RAPH1: variants seen among roughly 807,000 people sequenced by gnomAD.
RAPH1 encodes the protein Ras association (RalGDS/AF-6) and pleckstrin homology domains 1.
In RAPH1, 18 loss-of-function variants were observed where a neutral mutation model predicts 88.1. The ratio of observed to expected loss-of-function variants is 0.20; its 90% CI spans 0.14 to 0.30. The LOEUF (loss-of-function observed/expected upper bound fraction) is 0.30, where lower values mean the gene tolerates loss of function less well. Among genes scored for constraint, RAPH1 ranks in the 10% least tolerant of loss-of-function variants. The pLI is 1.00. For synonymous variants in RAPH1, 587 were observed against 559.0 expected (o/e 1.05, Z -0.71); for missense variants, 1,448 against 1,543.2 (o/e 0.94, Z 1.03).
intron 1 of RAPH1, among the ~76,000 whole-genome samples, chr2:203,531,723 A>G (rs1690398043): frequency 6.6e-6 from 1 of 152,242 alleles, no homozygotes; most frequent in Admixed American, 6.5e-5. Flanking sequence ...AAACATAAAA[A>G]GAAAAAACAC....
chr2:203,456,220 A>C (rs1445582003), intron 8 of RAPH1, among the ~76,000 whole-genome samples: 2 of 152,212 alleles, frequency 1.3e-5, no homozygotes, highest in Non-Finnish European at 2.9e-5. Flanking sequence ...ACTGAGTTGC[A>C]TGTAACAGTA....
intron 12 of RAPH1, chr2:203,445,494 G>A (rs551092690): frequency 6.5e-6 from 1 of 153,722 alleles, no homozygotes; most frequent in Non-Finnish European, 1.4e-5. Flanking sequence ...CTTAGAATTT[G>A]ACCCTCTAGT....
chr2:203,527,800 C>CAAA (rs59384499), intron 1 of RAPH1, among the ~76,000 whole-genome samples: 6 of 51,204 alleles, frequency 1.2e-4, no homozygotes, highest in East Asian at 1.2e-3. Context: ...AACTCCATCT[C>CAAA]AAAAAAAAAA....
At position 203,441,403 on chromosome 2, in the gene RAPH1, T is replaced by C. The variant is rs776413554; in HGVS notation, c.1787A>G (p.Glu596Gly). The C allele has an allele frequency of 1.9e-6, 3 of 1,549,314 alleles. No homozygotes were observed. The highest frequency in any genetic ancestry group is 2.6e-6 in the Non-Finnish European group (3 of 1,151,880). The change falls in exon 14 of 14, where the codon GAG becomes GGG. Residue 596 changes from glutamate to glycine, a missense_variant. This residue lies in a region of RAPH1 where 935 missense variants were observed against 890.1 expected (regional missense o/e 1.05). Coordinates refer to ENST00000319170, the MANE Select transcript of RAPH1 (RefSeq NM_213589.3). ...QLEESSKARM[E>G]SMNRPYTSLV... ...TGAAGTGTAGGGCCGATTCATAGACTCCATTCTGGCCTAAAAGGAGTATAA... is the reference window on the plus strand; with the variant it reads ...TGAAGTGTAGGGCCGATTCATAGACCCCATTCTGGCCTAAAAGGAGTATAA...
intron 1 of RAPH1, among the ~76,000 whole-genome samples, chr2:203,534,195 G>A (rs936947994): frequency 6.6e-6 from 1 of 152,120 alleles, no homozygotes; most frequent in Non-Finnish European, 1.5e-5. Context: ...CCTGAGAAAT[G>A]CTGCAGACAA....
Position 203,439,407 on chromosome 2 carries a change from A to G in RAPH1, c.*30T>C. ...GTGAGCTGATTGTAGCAGTGATTAC[A>G]GATATCATGAAAATAAAGTCCTATG... On this transcript the variant is annotated 3_prime_UTR_variant, in exon 14 of 14. Transcript: ENST00000319170. The G allele has an allele frequency of 6.3e-7, 1 of 1,597,250 alleles. No homozygotes were observed. The highest frequency in any genetic ancestry group is 2.2e-5 in the East Asian group (1 of 44,634).
At chr2:203,458,086 T>A (rs2098521245) in intron 7 of RAPH1, among the ~76,000 whole-genome samples, 1 of 152,144 alleles carries the variant, frequency 6.6e-6, no homozygotes, top group Admixed American at 6.5e-5. Flanking sequence ...AAAATCTGAA[T>A]TCTGGCTGGG....
intron 1 of RAPH1, among the ~76,000 whole-genome samples, chr2:203,531,154 T>A (rs1428905269): frequency 1.3e-5 from 2 of 152,182 alleles, no homozygotes; most frequent in Admixed American, 6.5e-5. Context: ...AAAACCTTCA[T>A]GACATTGGAT....
intron 4 of RAPH1, among the ~76,000 whole-genome samples, chr2:203,471,584 C>A (rs1469769869): frequency 6.6e-6 from 1 of 151,938 alleles, no homozygotes; most frequent in East Asian, 1.9e-4. Flanking sequence ...TGCACTCTAG[C>A]CTGGGCGACA....
At chr2:203,489,501 A>G (rs918955881) in intron 4 of RAPH1, 83 bp downstream of exon 4, 2 of 1,026,860 alleles carry the variant, frequency 1.9e-6, no homozygotes, top group African/African-American at 1.6e-5. Context: ...AGAAGAATTT[A>G]AGAAGTTAAT....
rs144172076 is a variant in RAPH1, at chr2:203,489,731, T to C, written c.585A>G (p.Thr195=). 1.7e-5 allele frequency: 27 copies of C among 1,614,206 alleles called. No homozygotes were observed. The highest frequency in any genetic ancestry group is 1.9e-5 in the Non-Finnish European group (23 of 1,180,034). ...TAGAGTGTACTTCAGCATCACTCACTGTGCCTGCTGACGCGGTTCTTCTGT... is the reference window on the plus strand; with the variant it reads ...TAGAGTGTACTTCAGCATCACTCACCGTGCCTGCTGACGCGGTTCTTCTGT... The part of the protein sequence containing the change: ...NQHRRTASAG[T]VSDAEVHSIS... The change falls in exon 4 of 14, where the codon ACA becomes ACG. Residue 195 remains threonine (T), a synonymous_variant. Coordinates refer to ENST00000319170, the MANE Select transcript of RAPH1 (RefSeq NM_213589.3).
Position 203,489,616 on chromosome 2 carries a change from C to A in RAPH1, c.700G>T (p.Asp234Tyr), listed in dbSNP as rs758518163. The A allele has an allele frequency of 1.2e-6, 2 of 1,601,248 alleles. No individual in the cohort carries two copies. Among genetic ancestry groups the A allele is most frequent in the South Asian group, 1.1e-5 (1 of 88,648 alleles). The part of the protein sequence containing the change: ...IDKVTRPQEL[D>Y]LTHQGQPITE... The stretch of plus-strand genomic sequence containing the variant: ...ATTGGCTGCCCTTGATGTGTCAAAT[C>A]CAGCTCTTGAGGGCGTGTTACTTTA... Residue 234 changes from aspartate (D) to tyrosine (Y), a missense_variant, in exon 4 of 14, where the codon GAT becomes TAT. This residue lies in a region of RAPH1 where 513 missense variants were observed against 653.1 expected (regional missense o/e 0.79). Transcript: ENST00000319170.
At chr2:203,450,895 G>T (rs72926436) in intron 10 of RAPH1, among the ~76,000 whole-genome samples, 61,959 of 145,982 alleles carry the variant, frequency 0.42, 14,306 homozygotes, top group Middle Eastern at 0.68. Flanking sequence ...CACAAAAAGA[G>T]GGTTTTTTTT....
Position 203,488,600 on chromosome 2 carries a change from A to C in RAPH1, c.732+984T>G, listed in dbSNP as rs913966290. On this transcript the variant is annotated intron_variant, in intron 4 of 13. Coordinates refer to ENST00000319170, the MANE Select transcript of RAPH1 (RefSeq NM_213589.3). Reference sequence around the variant, plus strand: ...AGACTCCGTCTATTAAAAAAAAAAAAAAAAAAAAAAAAAAAAAACCTGTTT... The same window carrying C: ...AGACTCCGTCTATTAAAAAAAAAAACAAAAAAAAAAAAAAAAAACCTGTTT... Among the ~76,000 whole-genome samples, 7 of 148,560 alleles carry C rather than the reference A, an allele frequency of 4.7e-5. No homozygotes were observed. The East Asian group carries it at 1.2e-3, about 25-fold the overall frequency.
chr2:203,459,982 A>T lies in RAPH1; in HGVS notation c.1017T>A (p.Asn339Lys). ...GCTTGTTTTGGCTATCTCTTGTCCAATTAAGAAGATTTTCAACCAAGTTTT... is the reference window on the plus strand; with the variant it reads ...GCTTGTTTTGGCTATCTCTTGTCCATTTAAGAAGATTTTCAACCAAGTTTT... The part of the protein sequence containing the change: ...DHENLVENLL[N>K]WTRDSQNKLI... Residue 339 changes from asparagine (N) to lysine (K), a missense_variant, in exon 7 of 14, where the codon AAT (asparagine) becomes AAA (lysine). Physicochemically the swap from Asn to Lys is moderately conservative, Grantham distance 94 (BLOSUM62 0). Transcript: ENST00000319170. 1 of 1,610,030 alleles carries T rather than the reference A, an allele frequency of 6.2e-7. No individual in the cohort carries two copies. The highest frequency in any genetic ancestry group is 8.5e-7 in the Non-Finnish European group (1 of 1,176,976).
chr2:203,462,546 A>G (rs1175636508), intron 4 of RAPH1, among the ~76,000 whole-genome samples: 1 of 152,208 alleles, frequency 6.6e-6, no homozygotes, highest in Non-Finnish European at 1.5e-5. Context: ...ATACAATGTA[A>G]TCAATGTCTT....
At chr2:203,478,401 C>A (rs1434073718) in intron 4 of RAPH1, among the ~76,000 whole-genome samples, 1 of 152,084 alleles carries the variant, frequency 6.6e-6, no homozygotes, top group Non-Finnish European at 1.5e-5. Context: ...CCACACTGTA[C>A]CAAAATCACT....
At chr2:203,522,713 C>T (rs2105972519) in intron 1 of RAPH1, among the ~76,000 whole-genome samples, 2 of 151,740 alleles carry the variant, frequency 1.3e-5, no homozygotes, top group African/African-American at 4.8e-5. Flanking sequence ...ACCAGCCTGG[C>T]CAACATCGTG....
In RAPH1 at chr2:203,438,227, T is replaced by A. The variant is rs1213350994; in HGVS notation, c.*1210A>T. On this transcript the variant is annotated 3_prime_UTR_variant, in exon 14 of 14. Transcript: ENST00000319170. ...TAAATGAAACTGTCTTCCCTCTCCATGTAGTCCCATACTTAATGAGCTTTT... is the reference window on the plus strand; with the variant it reads ...TAAATGAAACTGTCTTCCCTCTCCAAGTAGTCCCATACTTAATGAGCTTTT... 1 of 516,104 alleles carries A rather than the reference T, an allele frequency of 1.9e-6. No individual in the cohort carries two copies. The highest frequency in any genetic ancestry group is 1.9e-5 in the African/African-American group (1 of 51,922). The allele number at this position is 516,104 out of a possible 1,614,324, so 32.0% of individuals were successfully genotyped here.
Sources: gnomAD v4.1 joint callset for allele counts (sites outside exome capture counted in the v4.1 genomes callset) on GRCh38, gnomAD v4.1.1 for gene constraint, gnomAD v4.1.1 regional missense constraint, MANE v1.5 for transcripts, NCBI Gene and HGNC (gene_info 2026-07-23, HGNC 2026-07-21) for gene names.